The following TSC22D1 variants were observed in gnomAD, a reference collection of about 807,000 sequenced individuals.
The protein encoded by TSC22D1 is TSC22 domain family protein 1.
In TSC22D1, 9 loss-of-function variants were observed where a neutral mutation model predicts 74.2. The observed-to-expected ratio is 0.12, with a 90% CI of 0.07 to 0.21. The LOEUF (loss-of-function observed/expected upper bound fraction) is 0.21, where lower values mean the gene tolerates loss of function less well. Among genes scored for constraint, TSC22D1 ranks in the 10% least tolerant of loss-of-function variants. The probability of loss-of-function intolerance (pLI) is 1.00; values close to 1 mark genes in which losing one functional copy is unlikely to be tolerated. For synonymous variants in TSC22D1, 586 were observed against 492.5 expected, an observed-to-expected ratio of 1.19 and a Z score of -2.51; for missense variants, 1,427 against 1,304.7, an observed-to-expected ratio of 1.09 and a Z score of -1.44.
At chr13:44,553,781 C>G (rs1304561857) in intron 1 of TSC22D1, among the ~76,000 whole-genome samples, 1 of 152,156 alleles carries the variant, frequency 6.6e-6, no homozygotes, top group Non-Finnish European at 1.5e-5. Context: ...ACATATAATA[C>G]TGTCCTGGCA....
chr13:44,483,452 G>A (rs549713711), intron 1 of TSC22D1, among the ~76,000 whole-genome samples: 17 of 152,242 alleles, frequency 1.1e-4, no homozygotes, highest in African/African-American at 4.1e-4. Context: ...ATGAGGTCAG[G>A]AGATCGAGAC....
Position 44,479,429 on chromosome 13 carries a change from T to C in TSC22D1, c.2913-43334A>G, listed in dbSNP as rs144501970. Among the ~76,000 whole-genome samples, 41 of 151,914 alleles carry C rather than the reference T, an allele frequency of 2.7e-4. No individual in the cohort carries two copies. The East Asian group carries it at 7.5e-3, about 28-fold the overall frequency. ...AGCGTGGCCCAGGGAAACCAAAAGATTGGACACCCCTACTCTAAACAGTTC... is the reference window on the plus strand; with the variant it reads ...AGCGTGGCCCAGGGAAACCAAAAGACTGGACACCCCTACTCTAAACAGTTC... On this transcript the variant is annotated intron_variant, in intron 1 of 2. Coordinates refer to ENST00000458659, the MANE Select transcript of TSC22D1 (RefSeq NM_183422.4).
At chr13:44,498,587 C>A (rs1879081039) in intron 1 of TSC22D1, among the ~76,000 whole-genome samples, 1 of 152,152 alleles carries the variant, frequency 6.6e-6, no homozygotes, top group African/African-American at 2.4e-5. Context: ...CCCCAGTAGA[C>A]TCTCAGAGCA....
intron 1 of TSC22D1, among the ~76,000 whole-genome samples, chr13:44,518,600 T>A (rs1880163859): frequency 6.6e-6 from 1 of 152,176 alleles, no homozygotes; most frequent in East Asian, 1.9e-4. Flanking sequence ...GAGAAAAAAA[T>A]TTTAAACCAT....
In TSC22D1 at chr13:44,522,526, G is replaced by A. The variant is rs115978483; in HGVS notation, c.2912+50637C>T. Among the ~76,000 whole-genome samples, 192 of 152,236 alleles carry A rather than the reference G, an allele frequency of 1.3e-3. 2 individuals carry two copies. Among genetic ancestry groups the A allele is most frequent in the African/African-American group, 4.5e-3 (189 of 41,546 alleles). ...ATTGAAAATGGAGATGGTGAGAAGT[G>A]GACAGGTTTGACAAAGATTTAAGAG... On this transcript the variant is annotated intron_variant, in intron 1 of 2. Coordinates refer to ENST00000458659, the MANE Select transcript of TSC22D1 (RefSeq NM_183422.4).
At chr13:44,549,560 C>G (rs1055196722) in intron 1 of TSC22D1, among the ~76,000 whole-genome samples, 1 of 151,934 alleles carries the variant, frequency 6.6e-6, no homozygotes, top group Non-Finnish European at 1.5e-5. Flanking sequence ...ATCTCTTGAG[C>G]TCAGGAGTTC....
At chr13:44,475,934 T>G (rs968720477) in intron 1 of TSC22D1, among the ~76,000 whole-genome samples, 3 of 152,094 alleles carry the variant, frequency 2.0e-5, no homozygotes, top group African/African-American at 7.2e-5. Context: ...AGTGGCAGTC[T>G]CCAGTGAAAA....
rs566195991 is a variant in TSC22D1, at chr13:44,446,189, C to T, written c.2913-10094G>A. On this transcript the variant is annotated intron_variant, in intron 1 of 2. Transcript: ENST00000458659. ...AATAATACTCAGCAATACAAAGAAA[C>T]AAACTACTGATACACATAACAACCT... Among the ~76,000 whole-genome samples, 31 of 152,260 alleles carry T rather than the reference C, an allele frequency of 2.0e-4. No individual in the cohort carries two copies. The East Asian group carries it at 3.1e-3, about 15-fold the overall frequency.
intron 1 of TSC22D1, chr13:44,538,428 A>C (rs1235639922): frequency 1.0e-6 from 1 of 985,380 alleles, no homozygotes; most frequent in Non-Finnish European, 1.2e-6. Flanking sequence ...CAACAAAAAA[A>C]ACCATTTCAT....
intron 1 of TSC22D1, among the ~76,000 whole-genome samples, chr13:44,460,435 T>C (rs1445149756): frequency 6.6e-6 from 1 of 152,248 alleles, no homozygotes; most frequent in East Asian, 1.9e-4. Flanking sequence ...TCATTGTTTT[T>C]GGTAAAAGGG....
chr13:44,513,629 C>T (rs1879839449), intron 1 of TSC22D1, among the ~76,000 whole-genome samples: 1 of 152,140 alleles, frequency 6.6e-6, no homozygotes, highest in Non-Finnish European at 1.5e-5. Context: ...GGACAGAGAT[C>T]CACTTATAAA....
intron 1 of TSC22D1, among the ~76,000 whole-genome samples, chr13:44,471,187 AC>A (rs2137907573): frequency 6.6e-6 from 1 of 152,314 alleles, no homozygotes; most frequent in South Asian, 2.1e-4. Flanking sequence ...AGTACTTCAT[AC>A]TTTACCATAA....
rs1804589 is a variant in TSC22D1 at position 44,434,291 on chromosome 13, G to A, written c.*335C>T. On this transcript the variant is annotated 3_prime_UTR_variant, in exon 3 of 3. Coordinates refer to ENST00000458659, the MANE Select transcript of TSC22D1 (RefSeq NM_183422.4). Reference sequence around the variant, plus strand: ...AGCGCAAGCAGGAGAGAGAACCCTTGGAAGTGAGGGGTAGGGAGCCGGAAG... The same window carrying A: ...AGCGCAAGCAGGAGAGAGAACCCTTAGAAGTGAGGGGTAGGGAGCCGGAAG... 7.3e-7 allele frequency: 1 copy of A among 1,377,682 alleles called. No individual in the cohort carries two copies. The highest frequency in any genetic ancestry group is 9.3e-7 in the Non-Finnish European group (1 of 1,075,960). 85.3% of individuals were successfully genotyped at this position (1,377,682 alleles called of 1,614,324 possible).
At position 44,576,193 on chromosome 13, in the gene TSC22D1, CCTT is replaced by C. The variant is rs1456639281; in HGVS notation, c.-122_-120del. The stretch of plus-strand genomic sequence containing the variant: ...TGACGCTCCGCCTGGCGCGATTCCT[CCTT>C]CTCCTCCTCCTCAGCCAAAGGCGCC... On this transcript the variant is annotated 5_prime_UTR_variant, in exon 1 of 3. Coordinates refer to ENST00000458659, the MANE Select transcript of TSC22D1 (RefSeq NM_183422.4). 4 of 1,355,754 alleles carry C rather than the reference CCTT, an allele frequency of 3.0e-6. No homozygotes were observed. Among genetic ancestry groups the C allele is most frequent in the East Asian group, 5.1e-5 (2 of 39,130 alleles). The allele number at this position is 1,355,754 out of a possible 1,614,324, so 84.0% of individuals were successfully genotyped here.
chr13:44,534,327 A>G (rs939020315), intron 1 of TSC22D1, among the ~76,000 whole-genome samples: 2 of 146,762 alleles, frequency 1.4e-5, no homozygotes, highest in Non-Finnish European at 3.0e-5. Flanking sequence ...GTGCTACTGC[A>G]CTCCAGCCTA....
intron 1 of TSC22D1, among the ~76,000 whole-genome samples, chr13:44,507,503 T>C (rs1003375022): frequency 1.3e-5 from 2 of 152,038 alleles, no homozygotes; most frequent in Non-Finnish European, 2.9e-5. Flanking sequence ...CTAATATGTA[T>C]GTATTGATGC....
chr13:44,491,320 A>G (rs904700901), intron 1 of TSC22D1, among the ~76,000 whole-genome samples: 1 of 152,144 alleles, frequency 6.6e-6, no homozygotes, highest in Admixed American at 6.5e-5. Flanking sequence ...TTGGGAGGCC[A>G]AGGCGGGTGG....
At chr13:44,517,333 AACACACACAC>A (rs3046042) in intron 1 of TSC22D1, among the ~76,000 whole-genome samples, 14 of 148,794 alleles carry the variant, frequency 9.4e-5, no homozygotes, top group African/African-American at 3.0e-4. Flanking sequence ...ACAAAAACAA[AACACACACAC>A]ACACACACAC....
chr13:44,537,924 T>C (rs1881245985), intron 1 of TSC22D1: 9 of 985,094 alleles, frequency 9.1e-6, no homozygotes, highest in Non-Finnish European at 9.6e-6. Flanking sequence ...TTAAAATGTA[T>C]ACCAAATTTA....
Sources: gnomAD v4.1 joint callset for allele counts (sites outside exome capture counted in the v4.1 genomes callset) on GRCh38, gnomAD v4.1.1 for gene constraint, MANE v1.5 for transcripts, NCBI Gene and HGNC (gene_info 2026-07-23, HGNC 2026-07-21) for gene names.